Variants in SLC16A1 observed in about 807,000 individuals in gnomAD.
SLC16A1 encodes solute carrier family 16 member 1.
Under a neutral mutation model 32.2 loss-of-function variants are expected in SLC16A1, and 11 were observed. The ratio of observed to expected loss-of-function variants is 0.34; its 90% CI spans 0.21 to 0.56. SLC16A1 has a LOEUF of 0.56. Ranked by LOEUF, SLC16A1 falls within the 20% of genes least tolerant of loss-of-function variation. SLC16A1 has a pLI of 0.87. For synonymous variants in SLC16A1, 231 were observed against 226.8 expected (o/e 1.02, Z -0.17); for missense variants, 435 against 615.0 (o/e 0.71, Z 3.10).
In SLC16A1 at chr1:112,948,184, G is replaced by A. The variant is rs1425228600; in HGVS notation, c.-45+7851C>T. Among the ~76,000 whole-genome samples, 6 of 152,188 alleles carry A rather than the reference G, an allele frequency of 3.9e-5. No homozygotes were observed. The East Asian group carries it at 7.7e-4, about 20-fold the overall frequency. On this transcript the variant is annotated intron_variant, in intron 1 of 4. Coordinates refer to ENST00000369626, the MANE Select transcript of SLC16A1 (RefSeq NM_003051.4). ...GCAAGTGAGCCAACATCACGCCACT[G>A]TATTCCAGTTTGGGCAATGAGAGCG...
chr1:112,916,847 T>G (rs1648529782), intron 4 of SLC16A1, among the ~76,000 whole-genome samples: 3 of 152,066 alleles, frequency 2.0e-5, no homozygotes, highest in Admixed American at 2.0e-4. Flanking sequence ...GGGAATCGCT[T>G]GAACCTGGGA....
chr1:112,944,507 T>C (rs1294693313), intron 1 of SLC16A1, among the ~76,000 whole-genome samples: 1 of 152,162 alleles, frequency 6.6e-6, no homozygotes, highest in Non-Finnish European at 1.5e-5. Flanking sequence ...ACATGTGTGT[T>C]ATAGAAAAAT....
At chr1:112,953,155 T>TTC in intron 1 of SLC16A1, among the ~76,000 whole-genome samples, 1 of 104,612 alleles carries the variant, frequency 9.6e-6, no homozygotes, top group South Asian at 2.6e-4. Context: ...TGAAAATCCT[T>TTC]TTTTTTTTTT....
At chr1:112,921,482 G>GTT (rs758636407) in intron 3 of SLC16A1, among the ~76,000 whole-genome samples, 1 of 152,166 alleles carries the variant, frequency 6.6e-6, no homozygotes, top group Non-Finnish European at 1.5e-5. Context: ...AAAAAAAGGT[G>GTT]TATCTGTGCA....
intron 1 of SLC16A1, among the ~76,000 whole-genome samples, chr1:112,952,191 C>T (rs765180811): frequency 6.6e-6 from 1 of 152,124 alleles, no homozygotes; most frequent in Non-Finnish European, 1.5e-5. Context: ...AAATCTATAC[C>T]TGAGGGACAT....
In SLC16A1 at chr1:112,933,557, C is replaced by T. The variant is rs922924228; in HGVS notation, c.-44-4205G>A. Among the ~76,000 whole-genome samples, 58 of 148,640 alleles carry T rather than the reference C, an allele frequency of 3.9e-4. 1 individual carries two copies. The highest frequency in any genetic ancestry group is 6.5e-3 in the Middle Eastern group (2 of 310). ...CAGAACATAAAAAGAACTTGCACAA[C>T]GATAGCAAAAAGGCAAATCACCCAG... is the stretch of plus-strand genomic sequence containing the variant. On this transcript the variant is annotated intron_variant, in intron 1 of 4. Transcript: ENST00000369626.
intron 2 of SLC16A1, among the ~76,000 whole-genome samples, chr1:112,927,103 C>G (rs1570629067): frequency 7.8e-6 from 1 of 128,708 alleles, no homozygotes; most frequent in Admixed American, 8.6e-5. Context: ...TCCTGGTCAA[C>G]AGTGAGACCC....
intron 1 of SLC16A1, among the ~76,000 whole-genome samples, chr1:112,934,845 A>G (rs1043529975): frequency 5.9e-5 from 9 of 152,202 alleles, no homozygotes; most frequent in African/African-American, 2.2e-4. Flanking sequence ...TGATTTTGCT[A>G]GCAAAGATTT....
intron 4 of SLC16A1, among the ~76,000 whole-genome samples, chr1:112,915,831 T>C (rs1009556067): frequency 3.9e-5 from 6 of 152,152 alleles, no homozygotes; most frequent in African/African-American, 1.4e-4. Context: ...ACTCACTCAC[T>C]CCCCAAATCA....
intron 2 of SLC16A1, among the ~76,000 whole-genome samples, chr1:112,927,400 TA>T (rs946849547): frequency 3.3e-5 from 5 of 151,918 alleles, no homozygotes; most frequent in Non-Finnish European, 7.4e-5. Flanking sequence ...CCCAAAGCAC[TA>T]AAAAAGAAAA....
At chr1:112,927,375 A>C (rs956949365) in intron 2 of SLC16A1, among the ~76,000 whole-genome samples, 2 of 152,122 alleles carry the variant, frequency 1.3e-5, no homozygotes, top group African/African-American at 4.8e-5. Flanking sequence ...AACAACCATC[A>C]CTGTATATCT....
At chr1:112,922,777 AAAAC>A (rs979789366) in intron 2 of SLC16A1, among the ~76,000 whole-genome samples, 46 of 152,266 alleles carry the variant, frequency 3.0e-4, no homozygotes, top group African/African-American at 1.1e-3. Context: ...TCTGTCTCAA[AAAAC>A]AAACAAACAA....
chr1:112,943,163 A>G (rs1239295443), intron 1 of SLC16A1, among the ~76,000 whole-genome samples: 1 of 152,188 alleles, frequency 6.6e-6, no homozygotes, highest in Non-Finnish European at 1.5e-5. Flanking sequence ...TGGATCACTT[A>G]CTTTTGGGAT....
chr1:112,917,659 A>C lies in SLC16A1; in HGVS notation c.747T>G (p.Ile249Met). 1 of 1,614,218 alleles carries C rather than the reference A, an allele frequency of 6.2e-7. No homozygotes were observed. Among genetic ancestry groups the C allele is most frequent in the Non-Finnish European group, 8.5e-7 (1 of 1,180,010 alleles). Residue 249 changes from isoleucine to methionine, a missense_variant, in exon 4 of 5, where the codon ATT (isoleucine) becomes ATG (methionine). Coordinates refer to ENST00000369626, the MANE Select transcript of SLC16A1 (RefSeq NM_003051.4). This position sits in a 1 kb window ranked among gnomAD's most constrained non-coding sequence, Gnocchi z 4.1. ...KQEKRSVFQT[I>M]NQFLDLTLFT... The stretch of plus-strand genomic sequence containing the variant: ...ATAGGGTTAAGTCCAGGAACTGATT[A>C]ATTGTTTGGAAGACTGATCGTTTCT...
In SLC16A1 at chr1:112,917,179, T is replaced by C. The variant is rs1648543949; in HGVS notation, c.1227A>G (p.Leu409=). ...CCPVLLGPPL[L]GRLNDMYGDY... is the part of the protein sequence containing the mutation. ...CATTAGTAGGGAGATATACTATACC[T>C]AAAAGTGGTGGCCCCAGGAGGACAG... Residue 409 remains leucine (L), a splice_region_variant and synonymous_variant, in exon 4 of 5, where the codon TTA becomes TTG. Transcript: ENST00000369626. The surrounding 1 kb of genome is among the most constrained non-coding windows in gnomAD (Gnocchi z 4.1). The C allele has an allele frequency of 6.2e-7, 1 of 1,614,042 alleles. No homozygotes were observed. The highest frequency in any genetic ancestry group is 8.5e-7 in the Non-Finnish European group (1 of 1,180,044).
intron 2 of SLC16A1, among the ~76,000 whole-genome samples, chr1:112,924,946 A>C (rs982565341): frequency 5.9e-5 from 9 of 152,226 alleles, no homozygotes; most frequent in African/African-American, 2.2e-4. Flanking sequence ...TATATTATTA[A>C]GTTTCATGGT....
intron 1 of SLC16A1, among the ~76,000 whole-genome samples, chr1:112,943,859 T>A (rs777023188): frequency 6.6e-6 from 1 of 151,434 alleles, no homozygotes; most frequent in Non-Finnish European, 1.5e-5. Flanking sequence ...TGTATCATCA[T>A]TTTTAAAAAG....
In SLC16A1 at chr1:112,942,541, C is replaced by A. The variant is rs141075583; in HGVS notation, c.-44-13189G>T. ...TAAGTTTTCCTAGACAGCTGCCTGG[C>A]AATCAATGTTTCTGCTAACCAGCAT... On this transcript the variant is annotated intron_variant, in intron 1 of 4. Transcript: ENST00000369626. Among the ~76,000 whole-genome samples, 26 of 152,270 alleles carry A rather than the reference C, an allele frequency of 1.7e-4. 1 individual carries two copies. In the East Asian group the frequency reaches 5.0e-3, roughly 29 times the overall value.
intron 1 of SLC16A1, among the ~76,000 whole-genome samples, chr1:112,931,786 G>C (rs970357375): frequency 2.0e-5 from 3 of 151,840 alleles, no homozygotes; most frequent in African/African-American, 7.3e-5. Context: ...ATTTTAATAA[G>C]GGGCAGGTGG....
Sources: gnomAD v4.1 joint callset for allele counts (sites outside exome capture counted in the v4.1 genomes callset) on GRCh38, gnomAD v4.1.1 for gene constraint, Gnocchi (gnomAD v3.1) non-coding constraint, MANE v1.5 for transcripts, NCBI Gene and HGNC (gene_info 2026-07-23, HGNC 2026-07-21) for gene names.